TBXAS1: variants seen among roughly 807,000 people sequenced by gnomAD.
TBXAS1 encodes thromboxane A synthase 1.
In TBXAS1, 48 loss-of-function variants were observed where a neutral mutation model predicts 60.7. That is an observed-to-expected ratio of 0.79 (90% confidence interval 0.63 to 1.01). TBXAS1 has a LOEUF of 1.01. TBXAS1 is among the 50% of genes least tolerant of loss of function. The probability of loss-of-function intolerance (pLI) is 0.00; values close to 1 mark genes in which losing one functional copy is unlikely to be tolerated. For synonymous variants in TBXAS1, 287 were observed against 269.7 expected, an observed-to-expected ratio of 1.06 and a Z score of -0.63; for missense variants, 685 against 686.3, an observed-to-expected ratio of 1.00 and a Z score of 0.02.
intron 1 of TBXAS1, among the ~76,000 whole-genome samples, chr7:139,831,647 A>G (rs1798708628): frequency 6.6e-6 from 1 of 152,218 alleles, no homozygotes; most frequent in African/African-American, 2.4e-5. Flanking sequence ...GTGAAATCAA[A>G]TGGGCTGGGC....
intron 10 of TBXAS1, among the ~76,000 whole-genome samples, chr7:140,011,400 G>T (rs1042312079): frequency 1.7e-4 from 25 of 151,178 alleles, no homozygotes; most frequent in Non-Finnish European, 2.8e-4. Flanking sequence ...AGAAGAGAAA[G>T]ATAGAAATTT....
At chr7:139,899,857 A>C (rs568465469) in intron 3 of TBXAS1, among the ~76,000 whole-genome samples, 2 of 152,304 alleles carry the variant, frequency 1.3e-5, no homozygotes, top group East Asian at 3.9e-4. Flanking sequence ...CCGAGCTAAG[A>C]GCAGTCACTG....
At chr7:139,888,897 T>G in intron 3 of TBXAS1, among the ~76,000 whole-genome samples, 1 of 148,208 alleles carries the variant, frequency 6.7e-6, no homozygotes, top group Admixed American at 6.7e-5. Context: ...AGGTATAGAG[T>G]GGAGAAGGGG....
At chr7:139,846,664 T>G (rs1364328632) in intron 1 of TBXAS1, among the ~76,000 whole-genome samples, 1 of 152,246 alleles carries the variant, frequency 6.6e-6, no homozygotes, top group African/African-American at 2.4e-5. Flanking sequence ...AGGAATGCAC[T>G]GCAGTGAAAA....
intron 1 of TBXAS1, among the ~76,000 whole-genome samples, chr7:139,780,095 C>T (rs1248483260): frequency 2.6e-5 from 4 of 152,242 alleles, no homozygotes; most frequent in African/African-American, 9.6e-5. Context: ...TGCTTAACCT[C>T]TCTGAGCCTC....
At chr7:139,823,232 A>C (rs560897987) in intron 4 of TBXAS1, among the ~76,000 whole-genome samples, 39 of 152,004 alleles carry the variant, frequency 2.6e-4, no homozygotes, top group African/African-American at 8.9e-4. Flanking sequence ...TCATAACTAT[A>C]AGACGGACGG....
At chr7:139,785,496 G>A (rs1585496742) in intron 3 of TBXAS1, among the ~76,000 whole-genome samples, 2 of 147,240 alleles carry the variant, frequency 1.4e-5, no homozygotes, top group African/African-American at 5.2e-5. Flanking sequence ...TGTTTTTTGT[G>A]TGATAGCTTT....
At chr7:139,793,498 T>C (rs1797455571) in intron 4 of TBXAS1, among the ~76,000 whole-genome samples, 2 of 151,986 alleles carry the variant, frequency 1.3e-5, no homozygotes, top group Non-Finnish European at 2.9e-5. Flanking sequence ...AACACCTTTG[T>C]AGTGAAAGGC....
intron 3 of TBXAS1, among the ~76,000 whole-genome samples, chr7:139,890,517 G>T (rs1803515748): frequency 6.6e-6 from 1 of 152,022 alleles, no homozygotes; most frequent in African/African-American, 2.4e-5. Flanking sequence ...GCCCGGCCAG[G>T]ATGCAGTCTT....
intron 9 of TBXAS1, among the ~76,000 whole-genome samples, chr7:139,981,391 C>A (rs983156550): frequency 6.6e-6 from 1 of 152,210 alleles, no homozygotes; most frequent in Admixed American, 6.5e-5. Context: ...GCTGGGATTA[C>A]AGGCATGAGC....
chr7:139,916,352 A>C lies in TBXAS1; in HGVS notation c.333+5031A>C, dbSNP rs559773344. Among the ~76,000 whole-genome samples the C allele has an allele frequency of 6.6e-6, 1 of 152,278 alleles. No homozygotes were observed. The highest frequency in any genetic ancestry group is 1.5e-5 in the Non-Finnish European group (1 of 68,000). ...ATGTCAGGGATGTGTCAAAACACTAAGCCTAGTGCTTTGGAGATGTGGGTT... is the reference window on the plus strand; with the variant it reads ...ATGTCAGGGATGTGTCAAAACACTACGCCTAGTGCTTTGGAGATGTGGGTT... On this transcript the variant is annotated intron_variant, in intron 4 of 12. Transcript: ENST00000448866. The surrounding 1 kb of genome is among the most constrained non-coding windows in gnomAD (Gnocchi z 4.2).
intron 4 of TBXAS1, among the ~76,000 whole-genome samples, chr7:139,793,329 A>T (rs184305219): frequency 1.2e-4 from 19 of 152,284 alleles, no homozygotes; most frequent in African/African-American, 3.6e-4. Context: ...CCAAGCCAGG[A>T]GAATCACTTG....
At position 139,911,222 on chromosome 7, in the gene TBXAS1, C is replaced by T. The variant is rs1386963344; in HGVS notation, c.237-3C>T. On this transcript the variant is annotated splice_region_variant and splice_polypyrimidine_tract_variant and intron_variant, in intron 3 of 12. Transcript: ENST00000448866. ...ATTTTAATGCATTTTTTATTCCTCC[C>T]AGGTACTATCTTGGTCGTCGGATGT... The T allele has an allele frequency of 6.8e-6, 11 of 1,613,806 alleles. No homozygotes were observed. Among genetic ancestry groups the T allele is most frequent in the Non-Finnish European group, 7.6e-6 (9 of 1,179,790 alleles).
chr7:139,779,014 T>TTA lies in TBXAS1; in HGVS notation c.-318+543_-318+544insTA, dbSNP rs561085436. ...GAACGAAATGGAATCCAATAGAAAA[T>TTA]ATTAGAGTCCATTGCCCTTAGTAAG... On this transcript the variant is annotated intron_variant, in intron 1 of 16. Coordinates refer to the TBXAS1 transcript ENST00000336425. Among the ~76,000 whole-genome samples the TTA allele has an allele frequency of 5.9e-5, 9 of 152,200 alleles. No homozygotes were observed. In the East Asian group the frequency reaches 1.7e-3, roughly 29 times the overall value.
chr7:139,986,404 G>C (rs1246865394), intron 9 of TBXAS1, among the ~76,000 whole-genome samples: 2 of 152,062 alleles, frequency 1.3e-5, no homozygotes, highest in African/African-American at 4.8e-5. Flanking sequence ...GGAACAGGTG[G>C]TATTTGGTTA....
chr7:140,010,392 C>T (rs1304993967), intron 10 of TBXAS1, among the ~76,000 whole-genome samples: 1 of 152,204 alleles, frequency 6.6e-6, no homozygotes, highest in Non-Finnish European at 1.5e-5. Flanking sequence ...AACACAGCAG[C>T]CCTGTCTGAG....
intron 4 of TBXAS1, among the ~76,000 whole-genome samples, chr7:139,819,094 G>T (rs1464150179): frequency 1.3e-5 from 2 of 152,200 alleles, no homozygotes; most frequent in Non-Finnish European, 2.9e-5. Flanking sequence ...CCCCACCTGT[G>T]GCAGGAATGC....
At chr7:139,966,041 T>C (rs1008475050) in intron 9 of TBXAS1, among the ~76,000 whole-genome samples, 2 of 152,208 alleles carry the variant, frequency 1.3e-5, no homozygotes, top group Non-Finnish European at 2.9e-5. Flanking sequence ...ATTTTCCTGC[T>C]GGTTTCCATT....
At chr7:139,910,466 G>A (rs1424531906) in intron 3 of TBXAS1, among the ~76,000 whole-genome samples, 1 of 152,062 alleles carries the variant, frequency 6.6e-6, no homozygotes, top group African/African-American at 2.4e-5. Context: ...GTGAAACGCT[G>A]TCTCTACTAA....
Sources: gnomAD v4.1 joint callset for allele counts (sites outside exome capture counted in the v4.1 genomes callset) on GRCh38, gnomAD v4.1.1 for gene constraint, Gnocchi (gnomAD v3.1) non-coding constraint, MANE v1.5 for transcripts, NCBI Gene and HGNC (gene_info 2026-07-23, HGNC 2026-07-21) for gene names.